GRM5: variants seen among roughly 807,000 people sequenced by gnomAD.
The protein encoded by GRM5 is metabotropic glutamate receptor 5.
A neutral mutation model predicts 83.1 loss-of-function variants in GRM5; 19 were observed. The ratio of observed to expected loss-of-function variants is 0.23; its 90% CI spans 0.16 to 0.34. The LOEUF is 0.34. Ranked by LOEUF, GRM5 falls within the 10% of genes least tolerant of loss-of-function variation. The probability of loss-of-function intolerance (pLI) is 1.00; values close to 1 mark genes in which losing one functional copy is unlikely to be tolerated. For missense variants in GRM5, 1,160 were observed against 1,588.3 expected (o/e 0.73, Z 4.58); for synonymous variants, 675 against 633.6 (o/e 1.07, Z -0.98).
At chr11:88,908,153 A>C (rs1157214279) in intron 2 of GRM5, among the ~76,000 whole-genome samples, 1 of 152,138 alleles carries the variant, frequency 6.6e-6, no homozygotes, top group Non-Finnish European at 1.5e-5. Flanking sequence ...CCATACAAAC[A>C]TCATGTTTTC....
intron 5 of GRM5, among the ~76,000 whole-genome samples, chr11:88,600,292 C>A (rs1254708315): frequency 6.8e-6 from 1 of 146,934 alleles, no homozygotes; most frequent in Non-Finnish European, 1.5e-5. Context: ...CCCTCTCCCC[C>A]ACCCCTTCCC....
intron 3 of GRM5, among the ~76,000 whole-genome samples, chr11:88,712,774 G>A (rs10501679): frequency 0.029 from 4,465 of 152,090 alleles, 204 homozygotes; most frequent in African/African-American, 0.1. Flanking sequence ...TGAATTCAGA[G>A]TAATAACTTG....
At chr11:88,916,044 T>G (rs1319679721) in intron 2 of GRM5, among the ~76,000 whole-genome samples, 2 of 152,166 alleles carry the variant, frequency 1.3e-5, no homozygotes, top group Non-Finnish European at 2.9e-5. Flanking sequence ...ATTTGAGAAT[T>G]AGGTAAATAA....
chr11:88,749,162 G>A (rs1325180768), intron 3 of GRM5, among the ~76,000 whole-genome samples: 1 of 152,128 alleles, frequency 6.6e-6, no homozygotes, highest in Non-Finnish European at 1.5e-5. Context: ...AACTAAAGGA[G>A]CATGTTGTAA....
intron 3 of GRM5, among the ~76,000 whole-genome samples, chr11:88,735,276 G>A (rs535220091): frequency 6.6e-6 from 1 of 151,994 alleles, no homozygotes; most frequent in South Asian, 2.1e-4. Flanking sequence ...CAGCTTCTCT[G>A]GCACTTTGTG....
At chr11:88,793,794 A>G (rs1238004791) in intron 3 of GRM5, among the ~76,000 whole-genome samples, 1 of 152,144 alleles carries the variant, frequency 6.6e-6, no homozygotes, top group African/African-American at 2.4e-5. Context: ...TTGGGAAAGG[A>G]AACAACAGAG....
intron 3 of GRM5, among the ~76,000 whole-genome samples, chr11:88,814,767 T>C (rs564966628): frequency 6.6e-6 from 1 of 152,058 alleles, no homozygotes; most frequent in East Asian, 1.9e-4. Context: ...CTATCAGGCA[T>C]ACAGAATAGT....
chr11:88,636,503 G>T (rs897547472), intron 4 of GRM5, among the ~76,000 whole-genome samples: 1 of 151,664 alleles, frequency 6.6e-6, no homozygotes, highest in Non-Finnish European at 1.5e-5. Flanking sequence ...TACAGCCTGG[G>T]TGACAGAGCG....
chr11:88,980,542 G>A (rs544575616), intron 2 of GRM5, among the ~76,000 whole-genome samples: 80 of 152,036 alleles, frequency 5.3e-4, no homozygotes, highest in Non-Finnish European at 1.0e-3. Flanking sequence ...ATATAACCTG[G>A]CCGGGTGCGG....
intron 2 of GRM5, among the ~76,000 whole-genome samples, chr11:88,967,842 T>C (rs1027265481): frequency 1.3e-5 from 2 of 152,014 alleles, no homozygotes; most frequent in African/African-American, 4.8e-5. Context: ...CTATGGAAGA[T>C]GCACCCAAGA....
intron 8 of GRM5, among the ~76,000 whole-genome samples, chr11:88,543,266 T>A (rs1343719657): frequency 6.6e-6 from 1 of 152,210 alleles, no homozygotes; most frequent in Non-Finnish European, 1.5e-5. Flanking sequence ...TCTTTATCTG[T>A]TACCTTTCTT....
chr11:88,590,041 AAAG>A (rs1200603344), intron 7 of GRM5, among the ~76,000 whole-genome samples: 3 of 152,198 alleles, frequency 2.0e-5, no homozygotes, highest in Admixed American at 2.0e-4. Context: ...CTGTTGGCAC[AAAG>A]AAGCAAAAGC....
Position 88,759,097 on chromosome 11 carries a change from G to A in GRM5, c.911+90809C>T, listed in dbSNP as rs374563052. 4.2e-4 allele frequency among the ~76,000 whole-genome samples: 64 copies of A among 152,060 alleles called. 1 individual carries two copies. The highest frequency in any genetic ancestry group is 1.5e-3 in the African/African-American group (64 of 41,488). ...CCAAAGAAAGAACTAAATATAGAACGGAAACATCATTACCATCCACTACAA... is the reference window on the plus strand; with the variant it reads ...CCAAAGAAAGAACTAAATATAGAACAGAAACATCATTACCATCCACTACAA... On this transcript the variant is annotated intron_variant, in intron 3 of 9. Transcript: ENST00000305447.
At chr11:88,544,721 T>C (rs1478364151) in intron 8 of GRM5, among the ~76,000 whole-genome samples, 1 of 152,340 alleles carries the variant, frequency 6.6e-6, no homozygotes, top group East Asian at 1.9e-4. Flanking sequence ...GGCTATATAA[T>C]GCAGTTGATT....
intron 8 of GRM5, among the ~76,000 whole-genome samples, chr11:88,559,844 G>A (rs1046949323): frequency 4.6e-5 from 7 of 152,144 alleles, no homozygotes; most frequent in African/African-American, 1.7e-4. Context: ...CAATTAAACA[G>A]ACAATTCTAA....
chr11:88,980,356 G>A (rs1939482971), intron 2 of GRM5, among the ~76,000 whole-genome samples: 1 of 152,120 alleles, frequency 6.6e-6, no homozygotes, highest in South Asian at 2.1e-4. Flanking sequence ...AAGTGAATGT[G>A]GTTTCTGAAC....
intron 2 of GRM5, among the ~76,000 whole-genome samples, chr11:88,913,575 T>TTC (rs1195011629): frequency 5.6e-5 from 8 of 141,962 alleles, no homozygotes; most frequent in African/African-American, 2.1e-4. Flanking sequence ...TTTTTTTTCC[T>TTC]TCTCTCTCTC....
At chr11:88,921,072 A>G (rs613561) in intron 2 of GRM5, among the ~76,000 whole-genome samples, 2 of 35,496 alleles carry the variant, frequency 5.6e-5, no homozygotes, top group Non-Finnish European at 1.5e-4. Context: ...TTAAAAGACC[A>G]CTGCGTTTTT....
chr11:88,862,923 A>T (rs1944590905), intron 2 of GRM5, among the ~76,000 whole-genome samples: 1 of 152,182 alleles, frequency 6.6e-6, no homozygotes, highest in Non-Finnish European at 1.5e-5. Flanking sequence ...TTACAAGAAA[A>T]AAACAACCCT....
Sources: allele counts gnomAD v4.1 joint callset (sites outside exome capture counted in the v4.1 genomes callset), GRCh38; gene constraint gnomAD v4.1.1; transcripts MANE v1.5; gene names NCBI Gene and HGNC (gene_info 2026-07-23, HGNC 2026-07-21).